CSMD3: variants seen among roughly 807,000 people sequenced by gnomAD.
CSMD3 encodes CUB and Sushi multiple domains 3.
CSMD3 carries 177 observed loss-of-function variants against 435.2 expected under a neutral mutation model. The observed-to-expected ratio is 0.41, with a 90% CI of 0.36 to 0.46. CSMD3 has a LOEUF of 0.46. Ranked by LOEUF, CSMD3 falls within the 20% of genes least tolerant of loss-of-function variation. CSMD3 has a pLI of 0.34. For missense variants in CSMD3, 4,265 were observed against 4,504.6 expected (o/e 0.95, Z 1.52); for synonymous variants, 1,656 against 1,520.5 (o/e 1.09, Z -2.07).
At chr8:113,015,388 A>C (rs1325736366) in intron 6 of CSMD3, among the ~76,000 whole-genome samples, 1 of 152,154 alleles carries the variant, frequency 6.6e-6, no homozygotes, top group African/African-American at 2.4e-5. Context: ...ATGAAAAATA[A>C]ATTTCTGTAA....
At chr8:112,744,943 G>A (rs1450830099) in intron 13 of CSMD3, among the ~76,000 whole-genome samples, 1 of 152,156 alleles carries the variant, frequency 6.6e-6, no homozygotes, top group Admixed American at 6.6e-5. Context: ...AGGTTCTTAA[G>A]CAGGGAAATG....
intron 5 of CSMD3, among the ~76,000 whole-genome samples, chr8:113,061,602 A>G (rs2088614362): frequency 6.6e-6 from 1 of 152,112 alleles, no homozygotes; most frequent in Non-Finnish European, 1.5e-5. Context: ...TTTTGTCATT[A>G]AACTGTTTTG....
chr8:112,820,959 C>T (rs2079513612), intron 12 of CSMD3, among the ~76,000 whole-genome samples: 1 of 152,134 alleles, frequency 6.6e-6, no homozygotes, highest in Admixed American at 6.5e-5. Flanking sequence ...CAGCTTCATC[C>T]ATGTACCCAC....
At chr8:112,382,804 A>T (rs1278498327) in intron 37 of CSMD3, among the ~76,000 whole-genome samples, 1 of 152,180 alleles carries the variant, frequency 6.6e-6, no homozygotes, top group Non-Finnish European at 1.5e-5. Flanking sequence ...CGCCTCGCCA[A>T]CATAGCGAAA....
At chr8:113,039,992 G>T (rs545449549) in intron 5 of CSMD3, among the ~76,000 whole-genome samples, 6 of 152,114 alleles carry the variant, frequency 3.9e-5, no homozygotes, top group Non-Finnish European at 7.4e-5. Flanking sequence ...TGTTGGAGAG[G>T]GAAAAAATAA....
At chr8:112,236,563 C>T (rs1387960187) in intron 67 of CSMD3, among the ~76,000 whole-genome samples, 1 of 152,012 alleles carries the variant, frequency 6.6e-6, no homozygotes, top group Non-Finnish European at 1.5e-5. Context: ...TGTCTGACAG[C>T]ATTTGTAATA....
At chr8:112,244,905 C>A (rs1814565814) in intron 64 of CSMD3, among the ~76,000 whole-genome samples, 1 of 151,836 alleles carries the variant, frequency 6.6e-6, no homozygotes, top group Non-Finnish European at 1.5e-5. Context: ...GTCACAAAAA[C>A]CAGCATTTTA....
At chr8:113,128,702 T>C (rs188173058) in intron 4 of CSMD3, among the ~76,000 whole-genome samples, 1 of 152,198 alleles carries the variant, frequency 6.6e-6, no homozygotes, top group Admixed American at 6.6e-5. Context: ...ATTCCAAACA[T>C]ATTTGAGTAT....
intron 3 of CSMD3, among the ~76,000 whole-genome samples, chr8:113,222,305 G>C (rs1005340438): frequency 6.6e-6 from 1 of 150,842 alleles, no homozygotes; most frequent in Non-Finnish European, 1.5e-5. Context: ...AAACAGGGAA[G>C]ATCTCTCTTC....
At chr8:112,770,058 A>G (rs1328981295) in intron 13 of CSMD3, among the ~76,000 whole-genome samples, 1 of 152,060 alleles carries the variant, frequency 6.6e-6, no homozygotes, top group Non-Finnish European at 1.5e-5. Context: ...TTTAGCTTTC[A>G]AATTATTGCA....
intron 5 of CSMD3, among the ~76,000 whole-genome samples, chr8:113,061,668 A>G (rs1441103094): frequency 6.6e-6 from 1 of 152,090 alleles, no homozygotes; most frequent in Admixed American, 6.6e-5. Context: ...CTATAACTCT[A>G]GAATTTATAT....
chr8:112,804,730 T>A (rs949268769), intron 12 of CSMD3, among the ~76,000 whole-genome samples: 2 of 151,826 alleles, frequency 1.3e-5, no homozygotes, highest in Non-Finnish European at 2.9e-5. Context: ...ATTGGCGCGA[T>A]CTCGGCTCAC....
intron 12 of CSMD3, among the ~76,000 whole-genome samples, chr8:112,810,244 A>G (rs2079187132): frequency 6.6e-6 from 1 of 152,178 alleles, no homozygotes; most frequent in African/African-American, 2.4e-5. Flanking sequence ...CTTCTTACTA[A>G]TTTTTTAATA....
chr8:113,087,614 T>A (rs1393013709), intron 5 of CSMD3, among the ~76,000 whole-genome samples: 1 of 151,982 alleles, frequency 6.6e-6, no homozygotes, highest in Non-Finnish European at 1.5e-5. Flanking sequence ...GGGAAAGGAT[T>A]CCCTATTTAA....
intron 6 of CSMD3, among the ~76,000 whole-genome samples, chr8:113,007,147 A>G (rs1347836695): frequency 1.3e-5 from 2 of 151,954 alleles, no homozygotes; most frequent in East Asian, 3.9e-4. Context: ...CCAGGAAGGG[A>G]GACCGTAAAG....
intron 5 of CSMD3, among the ~76,000 whole-genome samples, chr8:113,029,205 G>T (rs1329742949): frequency 6.6e-6 from 1 of 151,484 alleles, no homozygotes; most frequent in African/African-American, 2.4e-5. Context: ...GACATTCAAA[G>T]AAGAATTGGT....
At chr8:112,394,278 G>A (rs932506241) in intron 35 of CSMD3, among the ~76,000 whole-genome samples, 6 of 152,024 alleles carry the variant, frequency 3.9e-5, no homozygotes, top group Middle Eastern at 3.2e-3. Context: ...TCTCATCACT[G>A]TGACCATAAT....
intron 16 of CSMD3, among the ~76,000 whole-genome samples, chr8:112,666,869 T>C (rs993247951): frequency 6.6e-6 from 1 of 152,170 alleles, no homozygotes; most frequent in Non-Finnish European, 1.5e-5. Context: ...TTCAGCTTTT[T>C]ACCTTATTTC....
chr8:112,822,585 A>G (rs1463501466), intron 12 of CSMD3, among the ~76,000 whole-genome samples: 1 of 152,104 alleles, frequency 6.6e-6, no homozygotes, highest in East Asian at 1.9e-4. Flanking sequence ...ATATAGAATC[A>G]TGTCATCTGC....
Sources: allele counts gnomAD v4.1 joint callset (sites outside exome capture counted in the v4.1 genomes callset), GRCh38; gene constraint gnomAD v4.1.1; transcripts MANE v1.5; gene names NCBI Gene and HGNC (gene_info 2026-07-23, HGNC 2026-07-21).